The following VPS13B variants were observed in gnomAD, a reference collection of about 807,000 sequenced individuals.
VPS13B encodes intermembrane lipid transfer protein VPS13B.
A neutral mutation model predicts 426.4 loss-of-function variants in VPS13B; 285 were observed. The observed-to-expected ratio is 0.67, with a 90% CI of 0.61 to 0.74. The LOEUF (loss-of-function observed/expected upper bound fraction) is 0.74. VPS13B is among the 30% of genes least tolerant of loss of function. VPS13B has a pLI of 0.00. For synonymous variants in VPS13B, 1,676 were observed against 1,676.4 expected (o/e 1.00, Z 0.01); for missense variants, 4,537 against 4,782.6 (o/e 0.95, Z 1.51).
chr8:99,038,867 A>G (rs952416107), intron 3 of VPS13B, among the ~76,000 whole-genome samples: 2 of 151,466 alleles, frequency 1.3e-5, no homozygotes, highest in Admixed American at 6.6e-5. Flanking sequence ...TTATATTTTT[A>G]GTAGAGAAGG....
chr8:99,307,758 G>A (rs2133088379), intron 19 of VPS13B, among the ~76,000 whole-genome samples: 1 of 151,998 alleles, frequency 6.6e-6, no homozygotes, highest in African/African-American at 2.4e-5. Flanking sequence ...ATTTCATTTA[G>A]TTCTGCTCTG....
intron 7 of VPS13B, 53 bp from the exon 8 acceptor site, chr8:99,121,122 TTC>T: frequency 6.5e-7 from 1 of 1,535,216 alleles, no homozygotes; most frequent in Non-Finnish European, 8.8e-7. Context: ...TCTATTTCTA[TTC>T]TCTTAGTTAA....
intron 3 of VPS13B, among the ~76,000 whole-genome samples, chr8:99,072,772 GTA>G (rs1795239700): frequency 1.3e-5 from 2 of 152,050 alleles, no homozygotes; most frequent in South Asian, 2.1e-4. Flanking sequence ...GTTGATTTTT[GTA>G]TGAGTTGGGA....
Position 99,301,913 on chromosome 8 carries a change from C to T in VPS13B, c.2824+26659C>T, listed in dbSNP as rs1820388310. Among the ~76,000 whole-genome samples, 3 of 152,270 alleles carry T rather than the reference C, an allele frequency of 2.0e-5. No individual in the cohort carries two copies. The South Asian group carries it at 6.2e-4, about 32-fold the overall frequency. Reference sequence around the variant, plus strand: ...AAATGCTGGGATAACAGGTGTGAGCCACTGCACCCAGGCTAAATAAAATGT... The same window carrying T: ...AAATGCTGGGATAACAGGTGTGAGCTACTGCACCCAGGCTAAATAAAATGT... On this transcript the variant is annotated intron_variant, in intron 19 of 61. Transcript: ENST00000357162.
chr8:99,254,990 T>G (rs1817675352), intron 17 of VPS13B, among the ~76,000 whole-genome samples: 1 of 152,198 alleles, frequency 6.6e-6, no homozygotes, highest in African/African-American at 2.4e-5. Flanking sequence ...TCTGATGACT[T>G]GAAAGGTAGA....
chr8:99,480,997 TCAAA>T (rs1427428410), intron 24 of VPS13B, among the ~76,000 whole-genome samples: 1 of 152,144 alleles, frequency 6.6e-6, no homozygotes, highest in African/African-American at 2.4e-5. Context: ...TAGGACTCAG[TCAAA>T]CAATGTGCAA....
intron 37 of VPS13B, among the ~76,000 whole-genome samples, chr8:99,719,474 C>T (rs1001001496): frequency 1.3e-5 from 2 of 152,118 alleles, no homozygotes; most frequent in African/African-American, 4.8e-5. Flanking sequence ...GAGAGCAGAA[C>T]CTAAGGCTAG....
In VPS13B at chr8:99,456,101, G is replaced by A. The variant is rs914542707; in HGVS notation, c.3446-11313G>A. On this transcript the variant is annotated intron_variant, in intron 23 of 61. Transcript: ENST00000357162. ...GATTTGTTAGGGTTAGCGTAGCTGT[G>A]GGTTTTTCAGAGATGCCCATCATCA... Among the ~76,000 whole-genome samples, 4 of 152,076 alleles carry A rather than the reference G, an allele frequency of 2.6e-5. No individual in the cohort carries two copies. In the East Asian group the frequency reaches 7.7e-4, roughly 29 times the overall value.
intron 44 of VPS13B, among the ~76,000 whole-genome samples, chr8:99,812,267 A>AT (rs1284189002): frequency 1.3e-5 from 2 of 151,958 alleles, no homozygotes; most frequent in Admixed American, 1.3e-4. Context: ...TAGCGTTCAG[A>AT]TTTGTTCTGG....
chr8:99,723,743 G>A (rs1004469119), intron 39 of VPS13B, among the ~76,000 whole-genome samples: 1 of 152,162 alleles, frequency 6.6e-6, no homozygotes, highest in Admixed American at 6.5e-5. Context: ...CAAAGAGTTG[G>A]TATCAAAAAG....
Position 99,809,514 on chromosome 8 carries a change from A to G in VPS13B, c.8081A>G (p.Asn2694Ser), listed in dbSNP as rs1270195810. The G allele has an allele frequency of 1.9e-6, 3 of 1,613,924 alleles. No individual in the cohort carries two copies. Among genetic ancestry groups the G allele is most frequent in the South Asian group, 1.1e-5 (1 of 91,082 alleles). The change falls in exon 44 of 62, where the codon AAT (asparagine) becomes AGT (serine). Residue 2694 changes from asparagine (N) to serine (S), a missense_variant. Asn to Ser is a conservative substitution (Grantham distance 46). Around this residue, in one of 2 missense-constraint regions of VPS13B, gnomAD observed 4,311 missense variants for 4,474.3 expected, o/e 0.96. Coordinates refer to ENST00000357162, the MANE Select transcript of VPS13B (RefSeq NM_152564.5). ...CTCATCATCAAGGTTCAGCAACTCAATGGAGTACAAAAACAGGTAAGTTTC... is the reference window on the plus strand; with the variant it reads ...CTCATCATCAAGGTTCAGCAACTCAGTGGAGTACAAAAACAGGTAAGTTTC... ...ASLIIKVQQLNGVQKQIIICG... is the reference protein window; with the variant it reads ...ASLIIKVQQLSGVQKQIIICG...
At chr8:99,597,613 G>A (rs1484084471) in intron 33 of VPS13B, among the ~76,000 whole-genome samples, 1 of 151,970 alleles carries the variant, frequency 6.6e-6, no homozygotes, top group Non-Finnish European at 1.5e-5. Flanking sequence ...AGTGATGGAA[G>A]TGACCAGCCA....
chr8:99,559,068 C>T (rs1293658525), intron 31 of VPS13B, among the ~76,000 whole-genome samples: 2 of 152,144 alleles, frequency 1.3e-5, no homozygotes, highest in South Asian at 2.1e-4. Context: ...CTCTCCAGCA[C>T]CTGTTGTTTC....
intron 33 of VPS13B, among the ~76,000 whole-genome samples, chr8:99,640,236 G>A (rs191986786): frequency 4.6e-5 from 7 of 151,640 alleles, no homozygotes; most frequent in South Asian, 2.1e-4. Context: ...AAACTTTTTC[G>A]TACCATTTGC....
Position 99,624,808 on chromosome 8 carries a change from C to CT in VPS13B, c.5221-16987dup, listed in dbSNP as rs35211688. ...TTGTGTTGTCCTTGTCCTTATTTTG[C>CT]TTTTTTTTTTTTTTTTCCCCCTTCC... On this transcript the variant is annotated intron_variant, in intron 33 of 61. Transcript: ENST00000357162. Among the ~76,000 whole-genome samples, 83 of 136,894 alleles carry CT rather than the reference C, an allele frequency of 6.1e-4. No homozygotes were observed. In the Middle Eastern group the frequency reaches 0.012, roughly 19 times the overall value. 89.8% of individuals were successfully genotyped at this position (136,894 alleles called of 152,430 possible). A position where few individuals can be genotyped will look rare whatever the true frequency, so the allele number is the denominator to read the frequency against.
At chr8:99,526,916 G>A (rs916715239) in intron 30 of VPS13B, among the ~76,000 whole-genome samples, 5 of 152,244 alleles carry the variant, frequency 3.3e-5, no homozygotes, top group Non-Finnish European at 1.5e-5. Context: ...CTAGGCTTCT[G>A]GGTGATTGGG....
At chr8:99,424,862 A>G (rs566060928) in intron 21 of VPS13B, among the ~76,000 whole-genome samples, 1 of 152,334 alleles carries the variant, frequency 6.6e-6, no homozygotes, top group Non-Finnish European at 1.5e-5. Flanking sequence ...AAATAGACGC[A>G]ATAAAAAATG....
intron 19 of VPS13B, among the ~76,000 whole-genome samples, chr8:99,356,554 A>G (rs1812193144): frequency 6.6e-6 from 1 of 152,084 alleles, no homozygotes; most frequent in African/African-American, 2.4e-5. Context: ...GGCTGTGCTG[A>G]GAGGATCTCT....
intron 49 of VPS13B, 130 bp from the exon 50 acceptor site, chr8:99,821,163 CA>C (rs1485907282): frequency 2.8e-5 from 16 of 578,598 alleles, no homozygotes; most frequent in African/African-American, 4.1e-5. Context: ...CACACACACA[CA>C]CACCATGGAG....
Sources: allele counts gnomAD v4.1 joint callset (sites outside exome capture counted in the v4.1 genomes callset), GRCh38; gene constraint gnomAD v4.1.1; regional missense constraint gnomAD v4.1.1; transcripts MANE v1.5; gene names NCBI Gene and HGNC (gene_info 2026-07-23, HGNC 2026-07-21).